The following KCNG2 variants were observed in gnomAD, a reference collection of about 807,000 sequenced individuals.
The protein encoded by KCNG2 is potassium voltage-gated channel modifier subfamily G member 2.
Under a neutral mutation model 12.3 loss-of-function variants are expected in KCNG2, and 7 were observed. That is an observed-to-expected ratio of 0.57 (90% CI 0.32 to 1.07). The LOEUF (loss-of-function observed/expected upper bound fraction) is 1.07. Ranked by LOEUF, KCNG2 falls within the 50% of genes least tolerant of loss-of-function variation. KCNG2 has a pLI of 0.04. For synonymous variants in KCNG2, 414 were observed against 351.4 expected, an observed-to-expected ratio of 1.18 and a Z score of -1.99; for missense variants, 703 against 726.0, an observed-to-expected ratio of 0.97 and a Z score of 0.36.
chr18:79,892,229 GTAT>G (rs1980768686), intron 3 of KCNG2, among the ~76,000 whole-genome samples: 1 of 151,562 alleles, frequency 6.6e-6, no homozygotes, highest in Non-Finnish European at 1.5e-5. Flanking sequence ...ACTTATTGCT[GTAT>G]TATTGGTGCA....
intron 1 of KCNG2, among the ~76,000 whole-genome samples, chr18:79,812,319 G>A (rs1393971867): frequency 6.6e-6 from 1 of 152,134 alleles, no homozygotes; most frequent in East Asian, 1.9e-4. Context: ...GCTTAGATTA[G>A]AAGAGACAAA....
At chr18:79,851,126 C>A (rs1285300273) in intron 1 of KCNG2, among the ~76,000 whole-genome samples, 2 of 151,646 alleles carry the variant, frequency 1.3e-5, no homozygotes, top group South Asian at 4.2e-4. Flanking sequence ...AGGACGTTCC[C>A]GAGAGTAAGA....
intron 3 of KCNG2, among the ~76,000 whole-genome samples, chr18:79,883,839 A>T (rs748308760): frequency 1.3e-5 from 2 of 152,160 alleles, no homozygotes; most frequent in African/African-American, 4.8e-5. Flanking sequence ...GTGATAGTGG[A>T]TGATGCCGTT....
intron 1 of KCNG2, among the ~76,000 whole-genome samples, chr18:79,801,338 C>T (rs1267374162): frequency 2.0e-5 from 3 of 152,238 alleles, no homozygotes; most frequent in Non-Finnish European, 2.9e-5. Flanking sequence ...CCTCAGGCCT[C>T]GCCAGCTCTG....
chr18:79,885,390 G>T (rs975819549), intron 3 of KCNG2, among the ~76,000 whole-genome samples: 1 of 152,206 alleles, frequency 6.6e-6, no homozygotes, highest in South Asian at 2.1e-4. Context: ...TGGGCTGAAA[G>T]TTCCGGAAAC....
intron 3 of KCNG2, among the ~76,000 whole-genome samples, chr18:79,881,434 G>C (rs1288723785): frequency 1.3e-5 from 2 of 152,168 alleles, no homozygotes; most frequent in African/African-American, 4.8e-5. Flanking sequence ...CCACAACAAA[G>C]CTTAAGAAAA....
chr18:79,812,897 C>T (rs186264429), intron 1 of KCNG2, among the ~76,000 whole-genome samples: 13 of 152,100 alleles, frequency 8.5e-5, no homozygotes, highest in South Asian at 4.2e-4. Context: ...GTGGCTCATG[C>T]CTGTAATTCC....
intron 1 of KCNG2, among the ~76,000 whole-genome samples, chr18:79,808,002 C>A (rs1406055491): frequency 3.1e-4 from 36 of 117,500 alleles, no homozygotes; most frequent in South Asian, 1.9e-3. Context: ...CCAGAGTCCG[C>A]GCTCTGAGGA....
chr18:79,847,339 G>GGCCTCCAT lies in KCNG2; in HGVS notation c.-114-9028_-114-9021dup, dbSNP rs531977777. On this transcript the variant is annotated intron_variant, in intron 1 of 3. Coordinates refer to ENST00000316249, the MANE Select transcript of KCNG2 (RefSeq NM_012283.2). ...ACTGTGGGTGTTGAACAGTATCCCT[G>GGCCTCCAT]GCCTCCATGCCTCCATGCCAGGAGC... Among the ~76,000 whole-genome samples the GGCCTCCAT allele has an allele frequency of 7.3e-4, 111 of 152,258 alleles. 1 individual carries two copies. In the South Asian group the frequency reaches 0.012, roughly 17 times the overall value.
intron 3 of KCNG2, among the ~76,000 whole-genome samples, chr18:79,883,929 C>T (rs1980417787): frequency 6.6e-6 from 1 of 152,180 alleles, no homozygotes; most frequent in African/African-American, 2.4e-5. Flanking sequence ...GGCACGTCCA[C>T]GAGGGCTCCA....
intron 1 of KCNG2, among the ~76,000 whole-genome samples, chr18:79,833,918 G>A (rs1448159525): frequency 6.6e-6 from 1 of 152,194 alleles, no homozygotes; most frequent in Non-Finnish European, 1.5e-5. Context: ...CTTGCTAGAG[G>A]GTCAGAGTTG....
Position 79,800,527 on chromosome 18 carries a change from G to T in KCNG2, c.-115+2513G>T, listed in dbSNP as rs1160157349. Reference sequence around the variant, plus strand: ...ATGAGGCTTGGGAGGCAGGATCTCGGCCCCCTAAACCGGCTGAATCAGAGC... The same window carrying T: ...ATGAGGCTTGGGAGGCAGGATCTCGTCCCCCTAAACCGGCTGAATCAGAGC... On this transcript the variant is annotated intron_variant, in intron 1 of 3. Transcript: ENST00000316249. This position sits in a 1 kb window ranked among gnomAD's most constrained non-coding sequence, Gnocchi z 4.0. Among the ~76,000 whole-genome samples, 1 of 152,166 alleles carries T rather than the reference G, an allele frequency of 6.6e-6. No homozygotes were observed.
At chr18:79,888,466 C>T (rs1299306341) in intron 3 of KCNG2, among the ~76,000 whole-genome samples, 18 of 128,468 alleles carry the variant, frequency 1.4e-4, no homozygotes, top group Admixed American at 1.1e-3. Context: ...CATGAGGCCG[C>T]GGTGGGGCCG....
intron 1 of KCNG2, among the ~76,000 whole-genome samples, chr18:79,850,064 C>A (rs1281849007): frequency 2.6e-5 from 4 of 152,230 alleles, no homozygotes; most frequent in African/African-American, 4.8e-5. Flanking sequence ...TGACCTTCTG[C>A]CTCCCCGCTA....
chr18:79,854,651 G>A (rs779743837), intron 1 of KCNG2, among the ~76,000 whole-genome samples: 10 of 151,116 alleles, frequency 6.6e-5, no homozygotes, highest in South Asian at 2.1e-4. Flanking sequence ...TCAGCCTCCC[G>A]AGTAGCTGGG....
intron 1 of KCNG2, among the ~76,000 whole-genome samples, chr18:79,802,443 C>T (rs566966194): frequency 1.5e-4 from 23 of 152,086 alleles, no homozygotes; most frequent in African/African-American, 4.8e-4. Context: ...CCAGCCGTGC[C>T]GCTCCGGTCC....
chr18:79,868,388 ACC>A (rs2123084198), intron 3 of KCNG2, among the ~76,000 whole-genome samples: 1 of 150,804 alleles, frequency 6.6e-6, no homozygotes, highest in South Asian at 2.1e-4. Context: ...GGGCCTGGTG[ACC>A]CGTGTCCAAG....
chr18:79,871,176 T>G (rs1410390091), intron 3 of KCNG2, among the ~76,000 whole-genome samples: 1 of 152,142 alleles, frequency 6.6e-6, no homozygotes, highest in Non-Finnish European at 1.5e-5. Context: ...GGGTCCGCCG[T>G]GAGGGTGTTC....
chr18:79,817,551 T>C (rs1388672034), intron 1 of KCNG2, among the ~76,000 whole-genome samples: 3 of 152,198 alleles, frequency 2.0e-5, no homozygotes, highest in African/African-American at 7.2e-5. Flanking sequence ...GGTTGTCATG[T>C]GGTTTGCACA....
Sources: allele counts gnomAD v4.1 joint callset (sites outside exome capture counted in the v4.1 genomes callset), GRCh38; gene constraint gnomAD v4.1.1; non-coding constraint Gnocchi (gnomAD v3.1); transcripts MANE v1.5; gene names NCBI Gene and HGNC (gene_info 2026-07-23, HGNC 2026-07-21).